Variants in OR2L13 observed in about 807,000 individuals in gnomAD.
OR2L13 encodes olfactory receptor family 2 subfamily L member 13, also known as olfactory receptor 2L13.
OR2L13 carries 14 observed loss-of-function variants against 15.3 expected under a neutral mutation model. The observed-to-expected ratio is 0.91, with a 90% confidence interval of 0.60 to 1.43. OR2L13 has a LOEUF of 1.43. OR2L13 is among the 40% of genes most tolerant of loss of function. The probability of loss-of-function intolerance (pLI) is 0.00; values close to 1 mark genes in which losing one functional copy is unlikely to be tolerated. For missense variants in OR2L13, 367 were observed against 387.9 expected (o/e 0.95, Z 0.45); for synonymous variants, 152 against 142.9 (o/e 1.06, Z -0.45).
At chr1:248,038,529 A>C in the OR2L13 span, 3 of 1,614,190 alleles carry the variant, frequency 1.9e-6, no homozygotes, top group Admixed American at 1.7e-5. Context: ...TCTGTATGGA[A>C]ACAAGTCTAT....
the OR2L13 span, among the ~76,000 whole-genome samples, chr1:247,992,792 G>A: frequency 1.3e-5 from 2 of 150,996 alleles, no homozygotes; most frequent in African/African-American, 4.9e-5. Flanking sequence ...GGGCACCTAG[G>A]TTGATTGTAG....
the OR2L13 span, chr1:247,990,740 A>G: frequency 6.3e-7 from 1 of 1,584,924 alleles, no homozygotes; most frequent in Non-Finnish European, 8.7e-7. Context: ...TCTTGTGCTC[A>G]CACGGTATAT....
chr1:247,996,567 A>G, the OR2L13 span, among the ~76,000 whole-genome samples: 1 of 152,224 alleles, frequency 6.6e-6, no homozygotes. Context: ...CTATGTCCAG[A>G]AAACTCTCAG....
the OR2L13 span, among the ~76,000 whole-genome samples, chr1:247,982,019 G>C: frequency 4.6e-5 from 7 of 152,070 alleles, no homozygotes; most frequent in African/African-American, 1.7e-4. Context: ...GTTTCACCGT[G>C]TTAGCCAGGA....
chr1:248,091,470 A>C (rs1664595080), upstream of OR2L13, among the ~76,000 whole-genome samples: 1 of 152,082 alleles, frequency 6.6e-6, no homozygotes, highest in South Asian at 2.1e-4. Flanking sequence ...TGTGATGTAA[A>C]AAGGGTTCCA....
At chr1:248,042,469 A>G in the OR2L13 span, among the ~76,000 whole-genome samples, 6 of 152,306 alleles carry the variant, frequency 3.9e-5, no homozygotes, top group African/African-American at 1.4e-4. Context: ...AATAACCTGC[A>G]CATTGTGCAC....
chr1:247,981,369 A>G, the OR2L13 span, among the ~76,000 whole-genome samples: 1 of 152,196 alleles, frequency 6.6e-6, no homozygotes. Context: ...AAGCAATAAT[A>G]TATATTTTTT....
chr1:248,044,147 C>G, the OR2L13 span, among the ~76,000 whole-genome samples: 1 of 152,178 alleles, frequency 6.6e-6, no homozygotes, highest in African/African-American at 2.4e-5. Context: ...CCAGCCCTCA[C>G]TCAAGGTGGA....
chr1:247,983,052 A>C, the OR2L13 span, among the ~76,000 whole-genome samples: 1 of 152,152 alleles, frequency 6.6e-6, no homozygotes, highest in East Asian at 1.9e-4. Flanking sequence ...ATAAATATGT[A>C]TATGTGTATA....
chr1:248,100,416 C>G, exon 3 of OR2L13: 1 of 530,460 alleles, frequency 1.9e-6, no homozygotes, highest in Non-Finnish European at 3.3e-6. Context: ...TTAAAATTTT[C>G]TAATAGGTAC....
chr1:247,998,665 T>C, the OR2L13 span, among the ~76,000 whole-genome samples: 1 of 152,134 alleles, frequency 6.6e-6, no homozygotes. Context: ...TGTAGTGCAA[T>C]GATACATTTT....
the OR2L13 span, chr1:248,038,731 C>G: frequency 1.2e-6 from 2 of 1,614,054 alleles, no homozygotes; most frequent in African/African-American, 2.7e-5. Context: ...TCTATCAACT[C>G]TTGTGCTCAC....
chr1:247,989,779 C>T, the OR2L13 span, among the ~76,000 whole-genome samples: 1 of 152,238 alleles, frequency 6.6e-6, no homozygotes, highest in East Asian at 1.9e-4. Context: ...CTCCTGAAAT[C>T]AACTGTCATC....
chr1:248,057,929 G>A, the OR2L13 span, among the ~76,000 whole-genome samples: 1 of 152,054 alleles, frequency 6.6e-6, no homozygotes, highest in African/African-American at 2.4e-5. Context: ...AATAATTTTA[G>A]TTCTTTCTTT....
exon 3 of OR2L13, chr1:248,099,381 G>A: frequency 6.2e-7 from 1 of 1,601,460 alleles, no homozygotes; most frequent in Non-Finnish European, 8.5e-7. Flanking sequence ...TTTTCATGGA[G>A]AAATGGAATC....
chr1:248,077,340 G>A, the OR2L13 span, among the ~76,000 whole-genome samples: 2 of 152,136 alleles, frequency 1.3e-5, no homozygotes, highest in African/African-American at 2.4e-5. Flanking sequence ...TTGGTATCAG[G>A]ATGATGTTGG....
the OR2L13 span, chr1:248,039,294 G>A: frequency 2.4e-6 from 3 of 1,259,622 alleles, no homozygotes; most frequent in Non-Finnish European, 3.3e-6. Flanking sequence ...TACATGCCCA[G>A]TGTGTCAAAC....
At chr1:248,060,749 G>A in the OR2L13 span, 1 of 1,614,028 alleles carries the variant, frequency 6.2e-7, no homozygotes, top group Non-Finnish European at 8.5e-7. Flanking sequence ...TCAAGAATTG[G>A]CCTTTTCCTC....
the OR2L13 span, among the ~76,000 whole-genome samples, chr1:248,047,822 A>G: frequency 6.6e-6 from 1 of 152,178 alleles, no homozygotes; most frequent in Non-Finnish European, 1.5e-5. Context: ...GCTGGCAATG[A>G]TAATGATGAA....
Sources: gnomAD v4.1 joint callset for allele counts (sites outside exome capture counted in the v4.1 genomes callset) on GRCh38, gnomAD v4.1.1 for gene constraint, MANE v1.5 for transcripts, NCBI Gene and HGNC (gene_info 2026-07-23, HGNC 2026-07-21) for gene names.